Variants in CTNNA2 observed in about 807,000 individuals in gnomAD.
The protein encoded by CTNNA2 is catenin alpha 2, also known as catenin alpha-2.
Under a neutral mutation model 101.0 loss-of-function variants are expected in CTNNA2, and 42 were observed. That is an observed-to-expected ratio of 0.42 (90% confidence interval 0.32 to 0.54). The LOEUF (loss-of-function observed/expected upper bound fraction) is 0.54. Ranked by LOEUF, CTNNA2 falls within the 20% of genes least tolerant of loss-of-function variation. The pLI is 0.14. For synonymous variants in CTNNA2, 450 were observed against 456.4 expected (o/e 0.99, Z 0.18); for missense variants, 871 against 1,223.1 (o/e 0.71, Z 4.29).
chr2:80,265,503 C>G (rs1224619479), intron 7 of CTNNA2, among the ~76,000 whole-genome samples: 1 of 152,056 alleles, frequency 6.6e-6, no homozygotes, highest in African/African-American at 2.4e-5. Flanking sequence ...TTTCCCCAGT[C>G]TTCCCTCCTT....
chr2:80,589,860 C>CTGTGTGTGTGTGTGTGTGTGTG (rs59206973), intron 15 of CTNNA2, among the ~76,000 whole-genome samples: 2 of 140,482 alleles, frequency 1.4e-5, no homozygotes, highest in Non-Finnish European at 3.1e-5. Context: ...ATATGTACCT[C>CTGTGTGTGTGTGTGTGTGTGTG]TGTGTGTGTG....
intron 1 of CTNNA2, among the ~76,000 whole-genome samples, chr2:79,650,993 T>C (rs1189873412): frequency 6.6e-6 from 1 of 152,082 alleles, no homozygotes; most frequent in African/African-American, 2.4e-5. Flanking sequence ...TGCATAGTAT[T>C]CCATGTTAAA....
intron 7 of CTNNA2, among the ~76,000 whole-genome samples, chr2:80,276,948 C>T (rs1182789546): frequency 6.6e-6 from 1 of 152,122 alleles, no homozygotes; most frequent in Non-Finnish European, 1.5e-5. Context: ...CTTTACAAGA[C>T]TATTGCTACT....
intron 9 of CTNNA2, among the ~76,000 whole-genome samples, chr2:80,497,980 C>T (rs1421871153): frequency 2.0e-5 from 3 of 152,294 alleles, no homozygotes; most frequent in African/African-American, 7.2e-5. Flanking sequence ...ATGCTGAACT[C>T]CTAACCATGG....
intron 1 of CTNNA2, among the ~76,000 whole-genome samples, chr2:79,608,630 T>A (rs1678059779): frequency 6.6e-6 from 1 of 152,084 alleles, no homozygotes; most frequent in Non-Finnish European, 1.5e-5. Flanking sequence ...AGTGTAATCA[T>A]TATATTAAAA....
chr2:79,889,444 T>C (rs762891726), intron 6 of CTNNA2, among the ~76,000 whole-genome samples: 41 of 152,140 alleles, frequency 2.7e-4, no homozygotes, highest in Non-Finnish European at 5.0e-4. Context: ...CCAACATAAC[T>C]GAGAACATAA....
intron 2 of CTNNA2, among the ~76,000 whole-genome samples, chr2:79,212,694 A>G (rs1674191359): frequency 3.8e-5 from 2 of 52,036 alleles, no homozygotes; most frequent in Non-Finnish European, 9.1e-5. Flanking sequence ...GGAAGAAATG[A>G]CCGCGGTGGC....
At chr2:80,392,136 T>C (rs1677574165) in intron 7 of CTNNA2, among the ~76,000 whole-genome samples, 1 of 152,180 alleles carries the variant, frequency 6.6e-6, no homozygotes, top group African/African-American at 2.4e-5. Flanking sequence ...TTTAGAAACC[T>C]GTTGGATGGT....
At chr2:80,440,205 C>T (rs1438796014) in intron 9 of CTNNA2, among the ~76,000 whole-genome samples, 3 of 152,078 alleles carry the variant, frequency 2.0e-5, no homozygotes, top group Non-Finnish European at 4.4e-5. Flanking sequence ...CTCTCTGCCA[C>T]CTGTTTATTG....
At chr2:79,208,638 A>T (rs1674131076) in intron 2 of CTNNA2, among the ~76,000 whole-genome samples, 1 of 152,174 alleles carries the variant, frequency 6.6e-6, no homozygotes, top group Non-Finnish European at 1.5e-5. Context: ...TTCAAGCTGA[A>T]TCTTGGCTGT....
intron 15 of CTNNA2, among the ~76,000 whole-genome samples, chr2:80,603,153 A>G (rs1308355306): frequency 6.6e-6 from 1 of 152,092 alleles, no homozygotes; most frequent in Non-Finnish European, 1.5e-5. Context: ...TATGCACATA[A>G]AGAGACCAGG....
chr2:79,333,980 A>T (rs1676934590), intron 3 of CTNNA2, among the ~76,000 whole-genome samples: 1 of 152,122 alleles, frequency 6.6e-6, no homozygotes, highest in South Asian at 2.1e-4. Flanking sequence ...ACACATACTT[A>T]TGGAGTACTG....
chr2:79,707,971 AT>A (rs1243273631), intron 2 of CTNNA2, among the ~76,000 whole-genome samples: 2 of 152,214 alleles, frequency 1.3e-5, no homozygotes, highest in African/African-American at 4.8e-5. Flanking sequence ...GTCAATTAAT[AT>A]TCAACAAGGA....
intron 3 of CTNNA2, among the ~76,000 whole-genome samples, chr2:79,754,732 C>T (rs755455736): frequency 3.2e-4 from 49 of 152,206 alleles, no homozygotes; most frequent in Middle Eastern, 3.4e-3. Flanking sequence ...CTGTGCTGTG[C>T]GCTGACTCTT....
At chr2:80,387,217 A>C (rs1370448134) in intron 7 of CTNNA2, among the ~76,000 whole-genome samples, 9 of 152,096 alleles carry the variant, frequency 5.9e-5, no homozygotes, top group African/African-American at 2.2e-4. Flanking sequence ...TGAACCCGGG[A>C]GGCGGAGCTT....
intron 7 of CTNNA2, chr2:80,298,122 T>C (rs1018750558): frequency 4.0e-5 from 6 of 151,608 alleles, no homozygotes. Context: ...GAGGTAGGAG[T>C]GTGTGTGTAT....
At chr2:80,482,662 A>G (rs1686239668) in intron 9 of CTNNA2, among the ~76,000 whole-genome samples, 1 of 152,250 alleles carries the variant, frequency 6.6e-6, no homozygotes, top group Non-Finnish European at 1.5e-5. Flanking sequence ...AAATTAAGCT[A>G]GAAGGTGTAT....
chr2:80,186,197 A>T (rs906374207), intron 7 of CTNNA2, among the ~76,000 whole-genome samples: 2 of 152,214 alleles, frequency 1.3e-5, no homozygotes, highest in Non-Finnish European at 2.9e-5. Context: ...GCCTTCATAC[A>T]TCACTCTAAA....
chr2:79,741,049 C>T (rs1671255953), intron 2 of CTNNA2, among the ~76,000 whole-genome samples: 1 of 150,292 alleles, frequency 6.7e-6, no homozygotes, highest in African/African-American at 2.5e-5. Flanking sequence ...CATGCATTGT[C>T]ATAGGGTGGC....
Sources: gnomAD v4.1 joint callset for allele counts (sites outside exome capture counted in the v4.1 genomes callset) on GRCh38, gnomAD v4.1.1 for gene constraint, MANE v1.5 for transcripts, NCBI Gene and HGNC (gene_info 2026-07-23, HGNC 2026-07-21) for gene names.